HS3ST4: variants seen among roughly 807,000 people sequenced by gnomAD.
HS3ST4 encodes the protein heparan sulfate-glucosamine 3-sulfotransferase 4.
In HS3ST4, 17 loss-of-function variants were observed where a neutral mutation model predicts 29.2. The observed-to-expected ratio is 0.58, with a 90% confidence interval of 0.40 to 0.87. HS3ST4 has a LOEUF of 0.87. Ranked by LOEUF, HS3ST4 falls within the 40% of genes least tolerant of loss-of-function variation. The probability of loss-of-function intolerance (pLI) is 0.00; values close to 1 mark genes in which losing one functional copy is unlikely to be tolerated. For missense variants in HS3ST4, 627 were observed against 634.5 expected (o/e 0.99, Z 0.13); for synonymous variants, 314 against 285.7 (o/e 1.10, Z -1.00).
chr16:26,117,202 C>T (rs1413496970), intron 1 of HS3ST4, among the ~76,000 whole-genome samples: 1 of 152,144 alleles, frequency 6.6e-6, no homozygotes, highest in Non-Finnish European at 1.5e-5. Context: ...GACTTCAGGC[C>T]ATCGAACCAT....
intron 1 of HS3ST4, among the ~76,000 whole-genome samples, chr16:25,910,756 A>G (rs1156826238): frequency 4.6e-5 from 7 of 152,148 alleles, no homozygotes; most frequent in African/African-American, 1.4e-4. Flanking sequence ...ACAAAAACAG[A>G]TGGCAGATCA....
At chr16:25,851,158 A>G (rs1967517350) in intron 1 of HS3ST4, among the ~76,000 whole-genome samples, 1 of 152,208 alleles carries the variant, frequency 6.6e-6, no homozygotes, top group Non-Finnish European at 1.5e-5. Flanking sequence ...TTTCTGTCCC[A>G]TCCTGTACTA....
chr16:26,025,935 C>G (rs141947415), intron 1 of HS3ST4, among the ~76,000 whole-genome samples: 1 of 152,048 alleles, frequency 6.6e-6, no homozygotes, highest in Non-Finnish European at 1.5e-5. Context: ...GCCACCATGC[C>G]CAGCTAATTT....
chr16:25,895,435 T>C (rs1441636093), intron 1 of HS3ST4, among the ~76,000 whole-genome samples: 1 of 151,964 alleles, frequency 6.6e-6, no homozygotes, highest in African/African-American at 2.4e-5. Flanking sequence ...TCTGATAGAT[T>C]TGTGGAGGGT....
intron 1 of HS3ST4, among the ~76,000 whole-genome samples, chr16:25,778,217 C>G (rs1457239813): frequency 5.9e-5 from 9 of 152,148 alleles, no homozygotes. Context: ...TTATCACCTT[C>G]TAAGACCTAG....
chr16:26,030,688 CATAAGAATTCTAGGAGTGAG>C (rs1279274080), intron 1 of HS3ST4, among the ~76,000 whole-genome samples: 7 of 152,142 alleles, frequency 4.6e-5, no homozygotes, highest in Non-Finnish European at 1.0e-4. Flanking sequence ...TCCCTTCAAC[CATAAGAATTCTAGGAGTGAG>C]ACCTGGCATC....
chr16:26,010,910 G>A (rs1969304031), intron 1 of HS3ST4, among the ~76,000 whole-genome samples: 1 of 152,136 alleles, frequency 6.6e-6, no homozygotes, highest in South Asian at 2.1e-4. Flanking sequence ...ATTTCTCTAA[G>A]CCTCAGTTTT....
chr16:25,957,424 C>T (rs1010018879), intron 1 of HS3ST4, among the ~76,000 whole-genome samples: 1 of 152,052 alleles, frequency 6.6e-6, no homozygotes, highest in African/African-American at 2.4e-5. Context: ...AGCTCTCTCT[C>T]TCTCTTTTTT....
chr16:26,085,720 A>T (rs1159738289), intron 1 of HS3ST4, among the ~76,000 whole-genome samples: 1 of 151,802 alleles, frequency 6.6e-6, no homozygotes, highest in Non-Finnish European at 1.5e-5. Flanking sequence ...AAATTTTTTT[A>T]AAAATTAGCT....
At chr16:25,867,055 G>C (rs555592640) in intron 1 of HS3ST4, among the ~76,000 whole-genome samples, 68 of 152,224 alleles carry the variant, frequency 4.5e-4, no homozygotes, top group African/African-American at 1.5e-3. Flanking sequence ...AATCTTATCA[G>C]ACCATAGAAA....
At chr16:25,806,213 C>T (rs571648907) in intron 1 of HS3ST4, among the ~76,000 whole-genome samples, 1 of 152,278 alleles carries the variant, frequency 6.6e-6, no homozygotes, top group African/African-American at 2.4e-5. Flanking sequence ...CTACATCTCT[C>T]AGAGTATTGG....
chr16:25,837,576 C>G (rs935838603), intron 1 of HS3ST4, among the ~76,000 whole-genome samples: 1 of 152,040 alleles, frequency 6.6e-6, no homozygotes, highest in African/African-American at 2.4e-5. Flanking sequence ...CTATGGCTAT[C>G]TATTTGATGG....
chr16:25,984,718 A>G (rs551748281), intron 1 of HS3ST4, among the ~76,000 whole-genome samples: 2 of 152,308 alleles, frequency 1.3e-5, no homozygotes, highest in Non-Finnish European at 2.9e-5. Flanking sequence ...AGTTCCATCC[A>G]CATTACCATG....
intron 1 of HS3ST4, among the ~76,000 whole-genome samples, chr16:25,712,358 C>T (rs1018088638): frequency 1.3e-5 from 2 of 151,966 alleles, no homozygotes; most frequent in African/African-American, 4.8e-5. Flanking sequence ...TCCATCTCTA[C>T]TAAAAATACA....
chr16:25,914,050 GGTGT>G (rs200069326), intron 1 of HS3ST4, among the ~76,000 whole-genome samples: 3,260 of 146,118 alleles, frequency 0.022, 119 homozygotes, highest in African/African-American at 0.08. Flanking sequence ...GTGTGTGTGG[GGTGT>G]GTGTGTGCAC....
intron 1 of HS3ST4, among the ~76,000 whole-genome samples, chr16:25,706,707 G>C (rs1411341509): frequency 6.6e-6 from 1 of 152,082 alleles, no homozygotes; most frequent in Admixed American, 6.6e-5. Flanking sequence ...CTAATCCCTG[G>C]AACCTGCAAA....
chr16:26,101,343 C>T (rs1032006911), intron 1 of HS3ST4, among the ~76,000 whole-genome samples: 1 of 152,206 alleles, frequency 6.6e-6, no homozygotes, highest in Admixed American at 6.5e-5. Context: ...TCTGTCATCT[C>T]CATGTCTACT....
chr16:26,109,706 CAT>C (rs1899102130), intron 1 of HS3ST4, among the ~76,000 whole-genome samples: 1 of 121,938 alleles, frequency 8.2e-6, no homozygotes, highest in South Asian at 2.9e-4. Context: ...CTTTTCAACT[CAT>C]ATACTCACTG....
chr16:25,848,299 C>T (rs906670814), intron 1 of HS3ST4, among the ~76,000 whole-genome samples: 4 of 151,972 alleles, frequency 2.6e-5, no homozygotes, highest in East Asian at 3.9e-4. Context: ...CCACCACGTC[C>T]GGCTAATTTT....
Sources: gnomAD v4.1 joint callset for allele counts (sites outside exome capture counted in the v4.1 genomes callset) on GRCh38, gnomAD v4.1.1 for gene constraint, MANE v1.5 for transcripts, NCBI Gene and HGNC (gene_info 2026-07-23, HGNC 2026-07-21) for gene names.